Variants in CSMD1 observed in about 807,000 individuals in gnomAD.
The protein encoded by CSMD1 is CUB and Sushi multiple domains 1, also known as CUB and sushi domain-containing protein 1.
In CSMD1, 213 loss-of-function variants were observed where a neutral mutation model predicts 417.5. The ratio of observed to expected loss-of-function variants is 0.51; its 90% CI spans 0.46 to 0.57. The LOEUF (loss-of-function observed/expected upper bound fraction) is 0.57. Among genes scored for constraint, CSMD1 ranks in the 20% least tolerant of loss-of-function variants. The pLI, the probability that CSMD1 is intolerant of heterozygous loss-of-function variation, is 0.00. For synonymous variants in CSMD1, 2,862 were observed against 1,736.8 expected (o/e 1.65, Z -16.11); for missense variants, 6,923 against 4,529.7 (o/e 1.53, Z -15.17).
At chr8:4,801,504 A>G (rs910973988) in intron 1 of CSMD1, among the ~76,000 whole-genome samples, 1 of 152,096 alleles carries the variant, frequency 6.6e-6, no homozygotes, top group Non-Finnish European at 1.5e-5. Flanking sequence ...CAAGTACTTA[A>G]TGTCATTTTG....
chr8:4,410,829 C>A (rs1585033220), intron 3 of CSMD1, among the ~76,000 whole-genome samples: 1 of 152,074 alleles, frequency 6.6e-6, no homozygotes, highest in South Asian at 2.1e-4. Context: ...TTGTCTCCAC[C>A]AAAACATGTT....
At chr8:4,156,425 T>G (rs1175546783) in intron 3 of CSMD1, among the ~76,000 whole-genome samples, 2 of 152,202 alleles carry the variant, frequency 1.3e-5, no homozygotes, top group African/African-American at 4.8e-5. Context: ...TGTACTGACT[T>G]GAGAAAGAAA....
chr8:4,150,943 C>A (rs530676899), intron 3 of CSMD1, among the ~76,000 whole-genome samples: 3 of 152,064 alleles, frequency 2.0e-5, no homozygotes, highest in African/African-American at 7.2e-5. Flanking sequence ...CAGTCTGCAA[C>A]GTCCAAACTT....
At chr8:3,634,797 G>C (rs545688701) in intron 7 of CSMD1, among the ~76,000 whole-genome samples, 80 of 152,254 alleles carry the variant, frequency 5.3e-4, no homozygotes, top group African/African-American at 1.9e-3. Context: ...TGCATCATGT[G>C]TCCTGAGAAA....
chr8:4,810,181 C>G (rs745899391), intron 1 of CSMD1, among the ~76,000 whole-genome samples: 4 of 152,174 alleles, frequency 2.6e-5, no homozygotes, highest in Admixed American at 6.5e-5. Context: ...ACTTCAAGAA[C>G]TGAGCAGTAT....
At chr8:3,570,463 A>T (rs11775593) in intron 10 of CSMD1, among the ~76,000 whole-genome samples, 109,162 of 152,106 alleles carry the variant, frequency 0.72, 39,386 homozygotes, top group Middle Eastern at 0.78. Flanking sequence ...CTAGCCAAAC[A>T]TGCCTCATTT....
chr8:4,739,042 G>C, intron 1 of CSMD1, among the ~76,000 whole-genome samples: 1 of 148,636 alleles, frequency 6.7e-6, no homozygotes, highest in East Asian at 1.9e-4. Context: ...TGTAGTGTGA[G>C]TAACTGATAT....
At chr8:4,247,368 G>T (rs1294208687) in intron 3 of CSMD1, among the ~76,000 whole-genome samples, 2 of 152,104 alleles carry the variant, frequency 1.3e-5, no homozygotes, top group African/African-American at 4.8e-5. Flanking sequence ...TCTCTTACGA[G>T]TAAGGTAGAG....
intron 1 of CSMD1, among the ~76,000 whole-genome samples, chr8:4,802,861 G>C (rs989850192): frequency 6.6e-6 from 1 of 152,190 alleles, no homozygotes; most frequent in African/African-American, 2.4e-5. Flanking sequence ...TGTCCTTAGA[G>C]ATGCAAATAT....
At chr8:4,090,083 T>C (rs1191226472) in intron 3 of CSMD1, among the ~76,000 whole-genome samples, 3 of 152,246 alleles carry the variant, frequency 2.0e-5, no homozygotes, top group Non-Finnish European at 4.4e-5. Context: ...AAAACTTAAC[T>C]TACACTTAAA....
At chr8:4,164,289 C>G (rs1039006284) in intron 3 of CSMD1, among the ~76,000 whole-genome samples, 17 of 151,854 alleles carry the variant, frequency 1.1e-4, no homozygotes, top group South Asian at 4.2e-4. Context: ...TTAATGGATA[C>G]AAATGATAAA....
At chr8:4,464,019 C>A (rs1799999511) in intron 2 of CSMD1, among the ~76,000 whole-genome samples, 1 of 151,800 alleles carries the variant, frequency 6.6e-6, no homozygotes, top group African/African-American at 2.4e-5. Flanking sequence ...CACATGACAC[C>A]TATATTAATT....
chr8:4,318,225 T>G (rs911224722), intron 3 of CSMD1, among the ~76,000 whole-genome samples: 2 of 152,128 alleles, frequency 1.3e-5, no homozygotes, highest in African/African-American at 4.8e-5. Flanking sequence ...CTATTAGAAC[T>G]TTTTTGTCAC....
chr8:4,444,409 T>C (rs961885618), intron 2 of CSMD1, among the ~76,000 whole-genome samples: 1 of 142,326 alleles, frequency 7.0e-6, no homozygotes, highest in African/African-American at 2.6e-5. Context: ...ATGCTGAATG[T>C]GGTGCTCAAA....
chr8:4,943,922 G>T (rs1310624618), intron 1 of CSMD1, among the ~76,000 whole-genome samples: 6 of 152,206 alleles, frequency 3.9e-5, no homozygotes, highest in African/African-American at 1.2e-4. Context: ...GGAGGGCCGA[G>T]CTGGATATTG....
At position 3,199,746 on chromosome 8, in the gene CSMD1, G is replaced by A; in HGVS notation, c.5162C>T (p.Ala1721Val). 1 of 1,589,338 alleles carries A rather than the reference G, an allele frequency of 6.3e-7. No homozygotes were observed. Among genetic ancestry groups the A allele is most frequent in the Non-Finnish European group, 8.6e-7 (1 of 1,167,482 alleles). ...ILLRFSAKSG[A>V]SARGFHFVYQ... ...CACGAAGTGGAAGCCGCGGGCAGAG[G>A]CACCGCTCTTTGCACTGAATCGGAG... The change falls in exon 33 of 70, where the codon GCC (alanine) becomes GTC (valine). Residue 1721 changes from alanine (A) to valine (V), a missense_variant. By Grantham distance (64) the Ala-to-Val change is moderately conservative. Coordinates refer to ENST00000635120, the MANE Select transcript of CSMD1 (RefSeq NM_033225.6).
In CSMD1 at chr8:3,753,993, G is replaced by T. The variant is rs752411001; in HGVS notation, c.868C>A (p.Leu290Ile). ...CTGTCAGAGGTGAAATGGAGTCGTA[G>T]CCAATTCTTGCTACTGATAACTGGA... is the stretch of plus-strand genomic sequence containing the variant. ...PSPVISSKNW[L>I]RLHFTSDSNH... Residue 290 changes from leucine to isoleucine, a missense_variant, in exon 6 of 70, where the codon CTA (leucine) becomes ATA (isoleucine). Coordinates refer to ENST00000635120, the MANE Select transcript of CSMD1 (RefSeq NM_033225.6). 2.5e-6 allele frequency: 4 copies of T among 1,612,978 alleles called. No individual in the cohort carries two copies. Among genetic ancestry groups the T allele is most frequent in the Non-Finnish European group, 2.5e-6 (3 of 1,179,420 alleles).
intron 5 of CSMD1, among the ~76,000 whole-genome samples, chr8:3,980,371 T>C (rs1412361835): frequency 7.0e-6 from 1 of 142,200 alleles, no homozygotes; most frequent in East Asian, 2.3e-4. Flanking sequence ...TAACGCGGTA[T>C]TTTAAGTGTT....
intron 5 of CSMD1, among the ~76,000 whole-genome samples, chr8:3,756,247 G>A (rs191010140): frequency 4.6e-5 from 7 of 151,820 alleles, no homozygotes; most frequent in African/African-American, 1.7e-4. Flanking sequence ...CAGCTACTCG[G>A]GAGGCTGAGG....
Sources: gnomAD v4.1 joint callset for allele counts (sites outside exome capture counted in the v4.1 genomes callset) on GRCh38, gnomAD v4.1.1 for gene constraint, MANE v1.5 for transcripts, NCBI Gene and HGNC (gene_info 2026-07-23, HGNC 2026-07-21) for gene names.